Variants in PDSS2 observed in about 807,000 individuals in gnomAD.
The protein encoded by PDSS2 is decaprenyl diphosphate synthase subunit 2.
PDSS2 carries 31 observed loss-of-function variants against 44.5 expected under a neutral mutation model. The observed-to-expected ratio is 0.70, with a 90% CI of 0.52 to 0.94. The LOEUF is 0.94. Ranked by LOEUF, PDSS2 falls within the 40% of genes least tolerant of loss-of-function variation. PDSS2 has a pLI of 0.00. For synonymous variants in PDSS2, 157 were observed against 180.3 expected (o/e 0.87, Z 1.03); for missense variants, 452 against 482.2 (o/e 0.94, Z 0.59).
chr6:107,457,575 T>C (rs994451039), intron 1 of PDSS2, among the ~76,000 whole-genome samples: 17 of 152,146 alleles, frequency 1.1e-4, no homozygotes, highest in Non-Finnish European at 2.2e-4. Context: ...CCTCCATTCG[T>C]GACAACCAAA....
At chr6:107,197,841 A>T (rs1305064704) in intron 6 of PDSS2, 1 of 471,120 alleles carries the variant, frequency 2.1e-6, no homozygotes, top group Non-Finnish European at 4.4e-6. Flanking sequence ...GCGGTGCTTA[A>T]GAGTGTTGAA....
chr6:107,381,917 T>C (rs1276351566), intron 1 of PDSS2, among the ~76,000 whole-genome samples: 1 of 152,202 alleles, frequency 6.6e-6, no homozygotes, highest in Non-Finnish European at 1.5e-5. Flanking sequence ...TTTATACAAA[T>C]TATTCGCAAA....
chr6:107,418,971 T>C (rs1227004339), intron 1 of PDSS2, among the ~76,000 whole-genome samples: 1 of 152,066 alleles, frequency 6.6e-6, no homozygotes, highest in Non-Finnish European at 1.5e-5. Flanking sequence ...TAAGTCTAGA[T>C]GAAAACATAT....
At chr6:107,425,979 A>C (rs573759403) in intron 1 of PDSS2, among the ~76,000 whole-genome samples, 1 of 152,294 alleles carries the variant, frequency 6.6e-6, no homozygotes, top group African/African-American at 2.4e-5. Context: ...AAAAAAAAGA[A>C]AATCCCATTT....
At chr6:107,228,674 G>A (rs1460633847) in intron 4 of PDSS2, among the ~76,000 whole-genome samples, 3 of 151,256 alleles carry the variant, frequency 2.0e-5, no homozygotes, top group African/African-American at 7.3e-5. Context: ...CAGCCTGGGT[G>A]ACAGAGGGAG....
At chr6:107,448,794 G>C (rs1372991560) in intron 1 of PDSS2, among the ~76,000 whole-genome samples, 1 of 152,194 alleles carries the variant, frequency 6.6e-6, no homozygotes, top group East Asian at 1.9e-4. Flanking sequence ...ATAAAGAAAA[G>C]AGGTTTAATT....
chr6:107,364,328 G>C (rs1011907127), intron 1 of PDSS2, among the ~76,000 whole-genome samples: 1 of 152,232 alleles, frequency 6.6e-6, no homozygotes, highest in Non-Finnish European at 1.5e-5. Context: ...GGCCGCACAG[G>C]AGCCCATGGA....
intron 1 of PDSS2, among the ~76,000 whole-genome samples, chr6:107,364,379 G>A (rs972830651): frequency 2.6e-5 from 4 of 151,468 alleles, no homozygotes; most frequent in Non-Finnish European, 2.9e-5. Context: ...CAGGTCCCCA[G>A]CCCTGCCCCG....
chr6:107,192,314 T>C (rs755860770), intron 7 of PDSS2: 12 of 492,292 alleles, frequency 2.4e-5, no homozygotes, highest in Non-Finnish European at 3.6e-5. Context: ...ACACTCCTCA[T>C]GGGAGGGAGA....
intron 1 of PDSS2, among the ~76,000 whole-genome samples, chr6:107,441,741 C>A (rs1338462232): frequency 6.6e-6 from 1 of 152,126 alleles, no homozygotes; most frequent in African/African-American, 2.4e-5. Flanking sequence ...CCCCTTTTGG[C>A]CTGTAACACA....
intron 2 of PDSS2, among the ~76,000 whole-genome samples, chr6:107,324,353 C>A (rs970568216): frequency 3.9e-5 from 6 of 152,124 alleles, no homozygotes; most frequent in African/African-American, 1.4e-4. Context: ...ACACTAAATT[C>A]AATTATTCTG....
intron 4 of PDSS2, among the ~76,000 whole-genome samples, chr6:107,226,220 A>T (rs1408999958): frequency 6.6e-6 from 1 of 152,174 alleles, no homozygotes; most frequent in Non-Finnish European, 1.5e-5. Context: ...GAGGCAGGAG[A>T]ATAGCGTGAA....
chr6:107,159,064 G>A (rs1393270378), intron 7 of PDSS2, among the ~76,000 whole-genome samples: 1 of 152,078 alleles, frequency 6.6e-6, no homozygotes, highest in East Asian at 1.9e-4. Flanking sequence ...GATAATATAA[G>A]TCCCTTGTCG....
chr6:107,347,910 A>G (rs1157563825), intron 1 of PDSS2, among the ~76,000 whole-genome samples: 1 of 152,218 alleles, frequency 6.6e-6, no homozygotes, highest in East Asian at 1.9e-4. Context: ...ATAAAGGACT[A>G]GGAAATGTTG....
chr6:107,400,919 G>A (rs751325300), intron 1 of PDSS2, among the ~76,000 whole-genome samples: 8 of 152,172 alleles, frequency 5.3e-5, no homozygotes, highest in Non-Finnish European at 1.0e-4. Context: ...TCCTTCCCGA[G>A]CACTGTGCAA....
In PDSS2 at chr6:107,210,438, C is replaced by T; in HGVS notation, c.1008+1G>A. 1.2e-6 allele frequency: 2 copies of T among 1,604,794 alleles called. No individual in the cohort carries two copies. The highest frequency in any genetic ancestry group is 1.7e-6 in the Non-Finnish European group (2 of 1,172,304). On this transcript the variant is annotated splice_donor_variant, in intron 6 of 7. Coordinates refer to ENST00000369037, the MANE Select transcript of PDSS2 (RefSeq NM_020381.4). LOFTEE classifies it high-confidence loss of function. ...CTAAAACAGGAGTAATTTCATTTTA[C>T]CTCTCCGATCTGTTTAATCCACAAA...
chr6:107,349,505 T>C (rs1420050246), intron 1 of PDSS2, among the ~76,000 whole-genome samples: 2 of 151,674 alleles, frequency 1.3e-5, no homozygotes, highest in Non-Finnish European at 2.9e-5. Context: ...TCCCAGCACT[T>C]TGGGAGGCCG....
chr6:107,334,291 C>A lies in PDSS2; in HGVS notation c.338G>T (p.Gly113Val). Residue 113 changes from glycine to valine, a missense_variant, in exon 2 of 8, where the codon GGC becomes GTC. Physicochemically the swap from Gly to Val is moderately radical, Grantham distance 109 (BLOSUM62 -3). Transcript: ENST00000369037. The stretch of plus-strand genomic sequence containing the variant: ...TTTAGAGATAAGGAGCACCACCAAG[C>A]CCCTCAACTGGAGGCTATTCCAGCT... ...HDSWNSLQLR[G>V]LVVLLISKAA... 6.2e-7 allele frequency: 1 copy of A among 1,613,608 alleles called. No homozygotes were observed. Among genetic ancestry groups the A allele is most frequent in the Non-Finnish European group, 8.5e-7 (1 of 1,179,674 alleles).
intron 6 of PDSS2, among the ~76,000 whole-genome samples, chr6:107,203,529 C>T (rs948098608): frequency 4.6e-5 from 7 of 152,106 alleles, no homozygotes; most frequent in Non-Finnish European, 1.0e-4. Context: ...GCCAGATTTA[C>T]CTCCCTCGCA....
Sources: allele counts gnomAD v4.1 joint callset (sites outside exome capture counted in the v4.1 genomes callset), GRCh38; gene constraint gnomAD v4.1.1; transcripts MANE v1.5; gene names NCBI Gene and HGNC (gene_info 2026-07-23, HGNC 2026-07-21).